The following MGAM2 variants were observed in gnomAD, a reference collection of about 807,000 sequenced individuals.
The protein encoded by MGAM2 is maltase-glucoamylase 2 (putative), also known as probable maltase-glucoamylase 2.
A neutral mutation model predicts 96.1 loss-of-function variants in MGAM2; 98 were observed. The ratio of observed to expected loss-of-function variants is 1.02; its 90% confidence interval spans 0.87 to 1.21. The LOEUF is 1.21. MGAM2 is among the 50% of genes most tolerant of loss of function. The probability of loss-of-function intolerance (pLI) is 0.00; values close to 1 mark genes in which losing one functional copy is unlikely to be tolerated. For synonymous variants in MGAM2, 749 were observed against 414.8 expected, an observed-to-expected ratio of 1.81 and a Z score of -9.79; for missense variants, 2,055 against 1,182.4, an observed-to-expected ratio of 1.74 and a Z score of -10.82.
rs1466502360 is a variant in MGAM2 at position 142,159,342 on chromosome 7, C to T, written c.2219C>T (p.Thr740Ile). 3 of 702,376 alleles carry T rather than the reference C, an allele frequency of 4.3e-6. No homozygotes were observed. In the East Asian group the frequency reaches 8.1e-5, roughly 19 times the overall value. 43.5% of individuals were successfully genotyped at this position (702,376 alleles called of 1,614,324 possible). Reference protein sequence around the residue: ...IPDATWYDYETGVAISWRKQL... With the variant: ...IPDATWYDYEIGVAISWRKQL... ...GATGCCACCTGGTATGACTATGAGA[C>T]AGTAAGTAAGGCAGCCCTGGTTGGC... Residue 740 changes from threonine to isoleucine, a missense_variant and splice_region_variant, in exon 20 of 48, where the codon ACA (threonine) becomes ATA (isoleucine). Transcript: ENST00000477922.
chr7:142,209,448 A>C (rs547630945), intron 46 of MGAM2, among the ~76,000 whole-genome samples: 1 of 152,174 alleles, frequency 6.6e-6, no homozygotes, highest in Non-Finnish European at 1.5e-5. Flanking sequence ...CAATCAATGC[A>C]CCTTGCATAT....
chr7:142,156,971 TA>T (rs1795754128), intron 17 of MGAM2, among the ~76,000 whole-genome samples: 1 of 152,184 alleles, frequency 6.6e-6, no homozygotes, highest in South Asian at 2.1e-4. Flanking sequence ...GTTATTTTTT[TA>T]CTCTTGGATA....
intron 47 of MGAM2, among the ~76,000 whole-genome samples, chr7:142,219,036 G>T (rs1196614102): frequency 6.6e-6 from 1 of 152,220 alleles, no homozygotes; most frequent in East Asian, 1.9e-4. Context: ...TAGGATAAAA[G>T]GTTGATAAAA....
Position 142,116,778 on chromosome 7 carries a change from G to A in MGAM2, c.1-96G>A, listed in dbSNP as rs566351767. ...GGATGCTGATAATCAAGGTCATCTT[G>A]CAAACAATTCCACATTTGGATACAA... On this transcript the variant is annotated intron_variant, in intron 1 of 47. Transcript: ENST00000477922. The A allele has an allele frequency of 5.9e-6, 4 of 676,444 alleles. No homozygotes were observed. In the South Asian group the frequency reaches 6.3e-5, roughly 11 times the overall value. 41.9% of individuals were successfully genotyped at this position (676,444 alleles called of 1,614,324 possible). A position where few individuals can be genotyped will look rare whatever the true frequency, so the allele number is the denominator to read the frequency against.
intron 7 of MGAM2, 64 bp downstream of exon 7, chr7:142,134,216 G>C: frequency 1.5e-6 from 1 of 648,890 alleles, no homozygotes; most frequent in East Asian, 2.8e-5. Context: ...TTTCCTAAAA[G>C]TAGCCTGCAG....
intron 45 of MGAM2, among the ~76,000 whole-genome samples, chr7:142,204,949 A>G (rs1797352354): frequency 6.6e-6 from 1 of 152,136 alleles, no homozygotes; most frequent in Non-Finnish European, 1.5e-5. Flanking sequence ...TTTTAAATTT[A>G]AGAACTGTAT....
intron 17 of MGAM2, among the ~76,000 whole-genome samples, chr7:142,156,764 G>A (rs890721699): frequency 1.4e-4 from 21 of 151,970 alleles, no homozygotes; most frequent in African/African-American, 4.8e-4. Flanking sequence ...CTCTTAGGGA[G>A]CAAAAGAAAA....
intron 46 of MGAM2, among the ~76,000 whole-genome samples, chr7:142,212,865 A>T (rs1356507554): frequency 6.6e-6 from 1 of 152,226 alleles, no homozygotes; most frequent in East Asian, 1.9e-4. Context: ...TCTCCACCCT[A>T]AATCAACAGA....
intron 42 of MGAM2, 121 bp downstream of exon 42, chr7:142,197,849 A>G (rs1385066477): frequency 3.0e-6 from 2 of 661,882 alleles, no homozygotes; most frequent in East Asian, 5.4e-5. Flanking sequence ...GCCTTTCTAG[A>G]ACATCTACAG....
intron 45 of MGAM2, among the ~76,000 whole-genome samples, chr7:142,203,840 T>G (rs1283501123): frequency 1.3e-5 from 2 of 152,022 alleles, no homozygotes; most frequent in Admixed American, 1.3e-4. Context: ...ATAAAAAAAT[T>G]AACTCGAGAT....
chr7:142,168,641 T>C (rs1796100334), intron 26 of MGAM2, among the ~76,000 whole-genome samples: 1 of 152,038 alleles, frequency 6.6e-6, no homozygotes, highest in Non-Finnish European at 1.5e-5. Context: ...AACTTTGAGA[T>C]CTACCGCTAT....
At chr7:142,118,830 T>A (rs1794462872) in intron 2 of MGAM2, among the ~76,000 whole-genome samples, 1 of 152,206 alleles carries the variant, frequency 6.6e-6, no homozygotes, top group Admixed American at 6.5e-5. Flanking sequence ...TGACAACATA[T>A]ATAAACATTG....
intron 47 of MGAM2, among the ~76,000 whole-genome samples, chr7:142,219,375 G>T (rs1797854914): frequency 6.6e-6 from 1 of 152,174 alleles, no homozygotes; most frequent in Middle Eastern, 3.4e-3. Context: ...CATTTTACCT[G>T]GACTATTGAG....
intron 14 of MGAM2, among the ~76,000 whole-genome samples, chr7:142,145,730 T>C (rs1055167484): frequency 6.6e-6 from 1 of 151,990 alleles, no homozygotes; most frequent in Admixed American, 6.5e-5. Flanking sequence ...TCAGAGACCT[T>C]TGTTTCTGGC....
At chr7:142,112,811 A>C (rs1817219663) in intron 1 of MGAM2, among the ~76,000 whole-genome samples, 1 of 152,172 alleles carries the variant, frequency 6.6e-6, no homozygotes. Context: ...CAGTCATATG[A>C]TATATATTTT....
intron 45 of MGAM2, chr7:142,208,329 C>A: frequency 1.6e-6 from 1 of 620,970 alleles, no homozygotes; most frequent in Non-Finnish European, 3.0e-6. Flanking sequence ...TTGTTCAACC[C>A]AGATTCTCTT....
intron 45 of MGAM2, among the ~76,000 whole-genome samples, chr7:142,202,233 C>G (rs961502934): frequency 6.6e-6 from 1 of 152,166 alleles, no homozygotes; most frequent in Non-Finnish European, 1.5e-5. Context: ...CCTGGGTATC[C>G]ATAGGCGGTT....
rs2129109118 is a variant in MGAM2 at position 142,221,138 on chromosome 7, T to A, written c.6627T>A (p.Thr2209=). Residue 2209 remains threonine, a synonymous_variant, in exon 48 of 48, where the codon ACT becomes ACA. Transcript: ENST00000477922. ...TGACCACTTCTTTCTCTGAAAGTAC[T>A]AATGCTATGAACACTACTGTTATTA... The part of the protein sequence containing the change: ...SIMTTSFSES[T]NAMNTTVIMA... 3 of 702,592 alleles carry A rather than the reference T, an allele frequency of 4.3e-6. No individual in the cohort carries two copies. In the East Asian group the frequency reaches 8.1e-5, roughly 19 times the overall value. The allele number at this position is 702,592 out of a possible 1,614,324, so 43.5% of individuals were successfully genotyped here.
At chr7:142,146,691 C>A (rs1356232373) in intron 14 of MGAM2, among the ~76,000 whole-genome samples, 1 of 151,850 alleles carries the variant, frequency 6.6e-6, no homozygotes, top group African/African-American at 2.4e-5. Flanking sequence ...ACTTACACAT[C>A]AAACTGTCAA....
Sources: gnomAD v4.1 joint callset for allele counts (sites outside exome capture counted in the v4.1 genomes callset) on GRCh38, gnomAD v4.1.1 for gene constraint, MANE v1.5 for transcripts, NCBI Gene and HGNC (gene_info 2026-07-23, HGNC 2026-07-21) for gene names.